The following COL2A1 variants were observed in gnomAD, a reference collection of about 807,000 sequenced individuals.
COL2A1 encodes the protein collagen alpha-1(II) chain.
COL2A1 carries 28 observed loss-of-function variants against 204.5 expected under a neutral mutation model. The ratio of observed to expected loss-of-function variants is 0.14; its 90% confidence interval spans 0.10 to 0.19. The LOEUF (loss-of-function observed/expected upper bound fraction) is 0.19. Among genes scored for constraint, COL2A1 ranks in the 10% least tolerant of loss-of-function variants. The pLI, the probability that COL2A1 is intolerant of heterozygous loss-of-function variation, is 1.00. For missense variants in COL2A1, 1,388 were observed against 2,027.5 expected (o/e 0.68, Z 6.06); for synonymous variants, 708 against 718.7 (o/e 0.99, Z 0.24).
Position 48,004,396 on chromosome 12 carries a change from G to T in COL2A1, c.-75C>A, listed in dbSNP as rs1437557693. ...ACGGCAGGAGCACGGCGCGGGTCCGGGTCTCTACCGCGCCCTCATGCAGGA... is the reference window on the plus strand; with the variant it reads ...ACGGCAGGAGCACGGCGCGGGTCCGTGTCTCTACCGCGCCCTCATGCAGGA... On this transcript the variant is annotated 5_prime_UTR_variant, in exon 1 of 54. Transcript: ENST00000380518. 2.3e-6 allele frequency: 2 copies of T among 853,280 alleles called. No homozygotes were observed. The highest frequency in any genetic ancestry group is 1.7e-5 in the African/African-American group (1 of 59,388). 52.9% of individuals were successfully genotyped at this position (853,280 alleles called of 1,614,324 possible).
rs1185365277 is a variant in COL2A1 at position 47,990,441 on chromosome 12, GA to G, written c.1024-637del. Reference sequence around the variant, plus strand: ...ATTGAGTGTAAGGAAATGAAACAGCGAGGCAACCATGTGGACTCAGTGCTTC... The same window carrying G: ...ATTGAGTGTAAGGAAATGAAACAGCGGGCAACCATGTGGACTCAGTGCTTC... On this transcript the variant is annotated intron_variant, in intron 16 of 53. Coordinates refer to ENST00000380518, the MANE Select transcript of COL2A1 (RefSeq NM_001844.5). 4.6e-5 allele frequency among the ~76,000 whole-genome samples: 7 copies of G among 152,344 alleles called. No homozygotes were observed. In the Middle Eastern group the frequency reaches 0.014, roughly 296 times the overall value.
chr12:47,987,421 G>A lies in COL2A1; in HGVS notation c.1222-108C>T. ...CTGGCATAGGTGCTGTCCATTTCAG[G>A]GACATTCCCACTATGTGTTTCAAGG... On this transcript the variant is annotated intron_variant, in intron 19 of 53. Transcript: ENST00000380518. The surrounding 1 kb of genome is among the most constrained non-coding windows in gnomAD (Gnocchi z 4.1). 3 of 1,244,174 alleles carry A rather than the reference G, an allele frequency of 2.4e-6. No homozygotes were observed. Among genetic ancestry groups the A allele is most frequent in the Admixed American group, 3.8e-5 (2 of 52,824 alleles). 77.1% of individuals were successfully genotyped at this position (1,244,174 alleles called of 1,614,324 possible).
intron 1 of COL2A1, among the ~76,000 whole-genome samples, chr12:48,003,441 G>A (rs528730345): frequency 1.3e-5 from 2 of 152,226 alleles, no homozygotes; most frequent in South Asian, 4.2e-4. Context: ...GGGGAAGGGG[G>A]CGCTATTTTC....
In COL2A1 at chr12:47,987,633, G is replaced by T. The variant is rs1343036672; in HGVS notation, c.1199C>A (p.Ser400Tyr). 1 of 1,613,024 alleles carries T rather than the reference G, an allele frequency of 6.2e-7. No individual in the cohort carries two copies. The highest frequency in any genetic ancestry group is 1.7e-5 in the Admixed American group (1 of 59,940). ...GPRGEPGTPG[S>Y]PGPAGASGNP... ...TACGGAGGCACCAGCAGGCCCAGGG[G>T]ACCCAGGAGTACCAGGTTCACCGCG... is the stretch of plus-strand genomic sequence containing the variant. The change falls in exon 19 of 54, where the codon TCC (serine) becomes TAC (tyrosine). Residue 400 changes from serine (S) to tyrosine (Y), a missense_variant. Ser to Tyr is a moderately radical substitution (Grantham distance 144). Coordinates refer to ENST00000380518, the MANE Select transcript of COL2A1 (RefSeq NM_001844.5). The surrounding 1 kb of genome is among the most constrained non-coding windows in gnomAD (Gnocchi z 4.1).
In COL2A1 at chr12:47,998,005, G is replaced by A. The variant is rs369649513; in HGVS notation, c.375+27C>T. Reference sequence around the variant, plus strand: ...AACTTGCGCGCAGCGAGGAAGGGACGGAGAAAGAGATTTCTCCCTCTCTTA... The same window carrying A: ...AACTTGCGCGCAGCGAGGAAGGGACAGAGAAAGAGATTTCTCCCTCTCTTA... On this transcript the variant is annotated intron_variant, in intron 5 of 53. Coordinates refer to ENST00000380518, the MANE Select transcript of COL2A1 (RefSeq NM_001844.5). 1.5e-4 allele frequency: 241 copies of A among 1,614,150 alleles called. 2 individuals are homozygous for A. In the South Asian group the frequency reaches 1.8e-3, roughly 12 times the overall value.
At chr12:47,986,230 A>G in intron 23 of COL2A1, 106 bp downstream of exon 23, 2 of 831,444 alleles carry the variant, frequency 2.4e-6, no homozygotes, top group Non-Finnish European at 2.0e-6. Context: ...GAGGAGGATG[A>G]CATGCGGAAA....
At chr12:47,988,433 G>A (rs899503874) in intron 18 of COL2A1, 1 of 154,844 alleles carries the variant, frequency 6.5e-6, no homozygotes, top group African/African-American at 2.4e-5. Flanking sequence ...GACCTGGAGA[G>A]AGGGCAGAGC....
In COL2A1 at chr12:47,978,845, G is replaced by T. The variant is rs1938880847; in HGVS notation, c.2734-87C>A. ...AGTCACTGTGGCCTCAGTGACAGCA[G>T]TTTCCTCTCTGGGGGCTTCTCTACC... On this transcript the variant is annotated intron_variant, in intron 41 of 53. Coordinates refer to ENST00000380518, the MANE Select transcript of COL2A1 (RefSeq NM_001844.5). This position sits in a 1 kb window ranked among gnomAD's most constrained non-coding sequence, Gnocchi z 5.5. The T allele has an allele frequency of 7.0e-7, 1 of 1,438,176 alleles. No homozygotes were observed. The highest frequency in any genetic ancestry group is 1.4e-5 in the African/African-American group (1 of 71,566). The allele number at this position is 1,438,176 out of a possible 1,614,324, so 89.1% of individuals were successfully genotyped here.
chr12:47,997,923 C>A lies in COL2A1; in HGVS notation c.377G>T (p.Gly126Val). Residue 126 changes from glycine to valine, a missense_variant and splice_region_variant, in exon 6 of 54, where the codon GGA becomes GTA. Physicochemically the swap from Gly to Val is moderately radical, Grantham distance 109 (BLOSUM62 -3). Transcript: ENST00000380518. ...TCTGGGTCCTTGTTCCCCTGCAGGT[C>A]CCTGAAGGTGAAGAACATGGTAAGA... ...VGPKGPPGPQ[G>V]PAGEQGPRGD... 1 of 1,614,124 alleles carries A rather than the reference C, an allele frequency of 6.2e-7. No individual in the cohort carries two copies. Among genetic ancestry groups the A allele is most frequent in the Non-Finnish European group, 8.5e-7 (1 of 1,180,028 alleles).
intron 52 of COL2A1, 106 bp from the exon 53 acceptor site, chr12:47,974,437 C>CT: frequency 6.7e-7 from 1 of 1,483,114 alleles, no homozygotes; most frequent in Non-Finnish European, 9.2e-7. Flanking sequence ...CTCAAGGGTA[C>CT]TGGGGCAGCA....
Position 47,978,671 on chromosome 12 carries a change from C to G in COL2A1, c.2821G>C (p.Ala941Pro). The change falls in exon 42 of 54, where the codon GCT (alanine) becomes CCT (proline). Residue 941 changes from alanine (A) to proline (P), a missense_variant. By Grantham distance (27) the Ala-to-Pro change is conservative. This residue lies in a region of COL2A1 where 884 missense variants were observed against 1,415.8 expected (regional missense o/e 0.62). Transcript: ENST00000380518. The surrounding 1 kb of genome is among the most constrained non-coding windows in gnomAD (Gnocchi z 5.5). ...GGACCTTGGAGGCCGGGTTCACCAG[C>G]TCGGCCAGGGGGGCCGCTGTCTCCT... Reference protein sequence around the residue: ...ARGDSGPPGRAGEPGLQGPAG... With the variant: ...ARGDSGPPGRPGEPGLQGPAG... The G allele has an allele frequency of 5.6e-6, 9 of 1,613,368 alleles. No individual in the cohort carries two copies. The highest frequency in any genetic ancestry group is 7.6e-6 in the Non-Finnish European group (9 of 1,179,988).
intron 51 of COL2A1, 24 bp from the exon 52 acceptor site, chr12:47,974,886 C>T: frequency 6.2e-7 from 1 of 1,606,854 alleles, no homozygotes; most frequent in Non-Finnish European, 8.5e-7. Flanking sequence ...AGGCAGCACC[C>T]ATGGGGGCTC....
In COL2A1 at chr12:47,975,994, G is replaced by T. The variant is rs755010259; in HGVS notation, c.3566C>A (p.Pro1189His). 8 of 1,614,112 alleles carry T rather than the reference G, an allele frequency of 5.0e-6. No individual in the cohort carries two copies. The highest frequency in any genetic ancestry group is 6.8e-6 in the Non-Finnish European group (8 of 1,179,934). Residue 1189 changes from proline (P) to histidine (H), a missense_variant, in exon 50 of 54, where the codon CCC becomes CAC. By Grantham distance (77) the Pro-to-His change is moderately conservative. This residue lies in a region of COL2A1 where 884 missense variants were observed against 1,415.8 expected (regional missense o/e 0.62). Transcript: ENST00000380518. The part of the protein sequence containing the change: ...GIPGPIGPPG[P>H]RGRSGETGPA... ...GCCGGTTTCGCCTGATCGTCCACGGGGACCAGGAGGCCCAATGGGGCCAGG... is the reference window on the plus strand; with the variant it reads ...GCCGGTTTCGCCTGATCGTCCACGGTGACCAGGAGGCCCAATGGGGCCAGG...
chr12:47,979,670 G>A (rs565126880), intron 40 of COL2A1, 106 bp from the exon 41 acceptor site: 11 of 924,460 alleles, frequency 1.2e-5, no homozygotes, highest in South Asian at 5.4e-5. Context: ...TGGAAAGGGC[G>A]AGGGACTGCA....
chr12:47,998,223 G>A (rs1327813120), intron 3 of COL2A1, 22 bp from the exon 4 acceptor site: 3 of 1,614,038 alleles, frequency 1.9e-6, no homozygotes, highest in Admixed American at 1.7e-5. Flanking sequence ...AACATTCACA[G>A]GATTAAGCCG....
rs1938541919 is a variant in COL2A1, at chr12:47,973,561, A to AG, written c.4318-9dup. 1 of 1,613,768 alleles carries AG rather than the reference A, an allele frequency of 6.2e-7. No homozygotes were observed. The highest frequency in any genetic ancestry group is 1.7e-5 in the Admixed American group (1 of 59,988). ...CCACTTACCGGTATGTTTCTAGGGG[A>AG]GAAAAAAGGAGGAGGCTCTGTTCAG... On this transcript the variant is annotated splice_polypyrimidine_tract_variant and intron_variant, in intron 53 of 53. Coordinates refer to ENST00000380518, the MANE Select transcript of COL2A1 (RefSeq NM_001844.5).
In COL2A1 at chr12:48,004,475, G is replaced by A; in HGVS notation, c.-154C>T. On this transcript the variant is annotated 5_prime_UTR_variant, in exon 1 of 54. Coordinates refer to ENST00000380518, the MANE Select transcript of COL2A1 (RefSeq NM_001844.5). ...AGACCCGGCAGCCCAGCAGCGCTCTGCGTCTTCTCCCCGCCGCGGCGCCCG... is the reference window on the plus strand; with the variant it reads ...AGACCCGGCAGCCCAGCAGCGCTCTACGTCTTCTCCCCGCCGCGGCGCCCG... 5.4e-6 allele frequency: 3 copies of A among 554,262 alleles called. No homozygotes were observed. The South Asian group carries it at 6.7e-5, about 12-fold the overall frequency. The allele number at this position is 554,262 out of a possible 1,614,324, so 34.3% of individuals were successfully genotyped here. A position where few individuals can be genotyped will look rare whatever the true frequency, so the allele number is the denominator to read the frequency against.
At chr12:47,983,871 G>A in intron 29 of COL2A1, 135 bp from the exon 30 acceptor site, 2 of 1,010,264 alleles carry the variant, frequency 2.0e-6, no homozygotes, top group Non-Finnish European at 1.5e-6. Flanking sequence ...GTGCATGCAT[G>A]CCTCCCTGCA....
At chr12:47,981,878 G>A in intron 35 of COL2A1, 49 bp from the exon 36 acceptor site, 1 of 1,542,820 alleles carries the variant, frequency 6.5e-7, no homozygotes, top group Non-Finnish European at 8.8e-7. Context: ...AGCCAGCCGA[G>A]CACGTGCGGC....
Sources: gnomAD v4.1 joint callset for allele counts (sites outside exome capture counted in the v4.1 genomes callset) on GRCh38, gnomAD v4.1.1 for gene constraint, gnomAD v4.1.1 regional missense constraint, Gnocchi (gnomAD v3.1) non-coding constraint, MANE v1.5 for transcripts, NCBI Gene and HGNC (gene_info 2026-07-23, HGNC 2026-07-21) for gene names.